ARHGAP42: variants seen among roughly 807,000 people sequenced by gnomAD.
The protein encoded by ARHGAP42 is rho GTPase-activating protein 42.
ARHGAP42 carries 63 observed loss-of-function variants against 125.0 expected under a neutral mutation model. The observed-to-expected ratio is 0.50, with a 90% CI of 0.41 to 0.62. The LOEUF is 0.62. ARHGAP42 is among the 20% of genes least tolerant of loss of function. ARHGAP42 has a pLI of 0.00. For synonymous variants in ARHGAP42, 339 were observed against 351.0 expected, an observed-to-expected ratio of 0.97 and a Z score of 0.38; for missense variants, 766 against 1,024.2, an observed-to-expected ratio of 0.75 and a Z score of 3.44.
At chr11:100,849,910 A>T (rs1476345654) in intron 3 of ARHGAP42, among the ~76,000 whole-genome samples, 1 of 152,178 alleles carries the variant, frequency 6.6e-6, no homozygotes, top group Non-Finnish European at 1.5e-5. Flanking sequence ...TAATATTATG[A>T]TGCTTACGTT....
At chr11:100,849,442 G>T (rs1281603756) in intron 3 of ARHGAP42, among the ~76,000 whole-genome samples, 1 of 152,142 alleles carries the variant, frequency 6.6e-6, no homozygotes, top group East Asian at 1.9e-4. Context: ...GTGCTCAAAC[G>T]CCTGGGAAAG....
At chr11:100,933,890 C>T (rs182020943) in intron 7 of ARHGAP42, among the ~76,000 whole-genome samples, 1 of 152,162 alleles carries the variant, frequency 6.6e-6, no homozygotes, top group East Asian at 1.9e-4. Flanking sequence ...TGGGTTCAAG[C>T]AATTCTCCTG....
rs114005632 is a variant in ARHGAP42 at position 100,887,623 on chromosome 11, C to T, written c.385-25829C>T. Among the ~76,000 whole-genome samples, 526 of 152,266 alleles carry T rather than the reference C, an allele frequency of 3.5e-3. 3 individuals are homozygous for T. Among genetic ancestry groups the T allele is most frequent in the African/African-American group, 0.011 (466 of 41,536 alleles). On this transcript the variant is annotated intron_variant, in intron 4 of 23. Transcript: ENST00000298815. ...GCTATCATGCAGTGTAACTGTGTGACGTTAAATGATGGACACAGAGATGTC... is the reference window on the plus strand; with the variant it reads ...GCTATCATGCAGTGTAACTGTGTGATGTTAAATGATGGACACAGAGATGTC...
At chr11:100,927,848 C>T (rs1033903326) in intron 6 of ARHGAP42, among the ~76,000 whole-genome samples, 1 of 152,168 alleles carries the variant, frequency 6.6e-6, no homozygotes, top group Non-Finnish European at 1.5e-5. Context: ...ACGTAATTGT[C>T]CATTCATTCA....
intron 1 of ARHGAP42, among the ~76,000 whole-genome samples, chr11:100,714,073 A>G (rs940867575): frequency 6.6e-6 from 1 of 152,196 alleles, no homozygotes; most frequent in Non-Finnish European, 1.5e-5. Context: ...GTAATATGGT[A>G]TCAGTATCCT....
chr11:100,816,157 A>C (rs939588111), intron 3 of ARHGAP42, among the ~76,000 whole-genome samples: 1 of 152,130 alleles, frequency 6.6e-6, no homozygotes, highest in African/African-American at 2.4e-5. Context: ...ATTCTTTTGG[A>C]TACAGTCCAG....
chr11:100,988,298 C>T (rs137903035), intron 23 of ARHGAP42, among the ~76,000 whole-genome samples: 11 of 150,138 alleles, frequency 7.3e-5, no homozygotes, highest in Non-Finnish European at 1.3e-4. Flanking sequence ...TTTGTTTGGA[C>T]GTTTGAGTTG....
At chr11:100,961,524 T>C (rs1401862390) in intron 14 of ARHGAP42, among the ~76,000 whole-genome samples, 160 bp from the exon 15 acceptor site, 1 of 152,202 alleles carries the variant, frequency 6.6e-6, no homozygotes. Flanking sequence ...GTCAGCTTTT[T>C]ATCAATTCAC....
rs373059302 is a variant in ARHGAP42 at position 100,837,666 on chromosome 11, CTTTTTTTTT to C, written c.313-21865_313-21857del. On this transcript the variant is annotated intron_variant, in intron 3 of 23. Coordinates refer to ENST00000298815, the MANE Select transcript of ARHGAP42 (RefSeq NM_152432.4). Reference sequence around the variant, plus strand: ...CAGTTCCCAGAATCTAGGTGTCATCCTTTTTTTTTTTTTTTTTTTTTTTTTTTTTTTAGT... The same window carrying C: ...CAGTTCCCAGAATCTAGGTGTCATCCTTTTTTTTTTTTTTTTTTTTTTAGT... Among the ~76,000 whole-genome samples, 132 of 61,050 alleles carry C rather than the reference CTTTTTTTTT, an allele frequency of 2.2e-3. 1 individual carries two copies. The highest frequency in any genetic ancestry group is 8.0e-3 in the African/African-American group (114 of 14,186). The allele number at this position is 61,050 out of a possible 152,430, so 40.1% of individuals were successfully genotyped here.
At chr11:100,856,714 C>A (rs1332111488) in intron 3 of ARHGAP42, among the ~76,000 whole-genome samples, 1 of 152,042 alleles carries the variant, frequency 6.6e-6, no homozygotes, top group East Asian at 1.9e-4. Context: ...CTTTGAATAA[C>A]TACATTTTAA....
At chr11:100,886,617 C>T (rs369640767) in intron 4 of ARHGAP42, among the ~76,000 whole-genome samples, 2 of 152,156 alleles carry the variant, frequency 1.3e-5, no homozygotes, top group Admixed American at 6.6e-5. Flanking sequence ...CTTAGCACAG[C>T]GATGCCCCAT....
intron 1 of ARHGAP42, among the ~76,000 whole-genome samples, chr11:100,748,348 T>C (rs1199351259): frequency 6.6e-6 from 1 of 152,230 alleles, no homozygotes; most frequent in Non-Finnish European, 1.5e-5. Flanking sequence ...ACTCTCTGAA[T>C]ACCCATTGTG....
intron 4 of ARHGAP42, among the ~76,000 whole-genome samples, chr11:100,868,054 A>G (rs1362595863): frequency 6.6e-6 from 1 of 152,222 alleles, no homozygotes; most frequent in African/African-American, 2.4e-5. Context: ...AGTGGTGTCA[A>G]AGATCACTGA....
intron 19 of ARHGAP42, among the ~76,000 whole-genome samples, chr11:100,975,727 C>G (rs1858371724): frequency 6.6e-6 from 1 of 152,140 alleles, no homozygotes; most frequent in Non-Finnish European, 1.5e-5. Context: ...ACTTCTGAAT[C>G]CTGTTTCATA....
intron 6 of ARHGAP42, among the ~76,000 whole-genome samples, chr11:100,927,421 T>G (rs1402130835): frequency 6.6e-6 from 1 of 152,206 alleles, no homozygotes; most frequent in African/African-American, 2.4e-5. Flanking sequence ...CATTCATTCT[T>G]TAAAAATTTA....
chr11:100,689,067 C>T (rs1401922907), intron 1 of ARHGAP42, among the ~76,000 whole-genome samples: 1 of 152,102 alleles, frequency 6.6e-6, no homozygotes, highest in Admixed American at 6.6e-5. Flanking sequence ...TTAATGTGCT[C>T]CAAAATATCT....
chr11:100,715,042 C>A (rs914849379), intron 1 of ARHGAP42, among the ~76,000 whole-genome samples: 1 of 115,890 alleles, frequency 8.6e-6, no homozygotes, highest in Non-Finnish European at 1.7e-5. Context: ...CAGTGAAACC[C>A]TATCTCAAAA....
chr11:100,749,507 C>T (rs2120352754), intron 1 of ARHGAP42, among the ~76,000 whole-genome samples: 1 of 151,890 alleles, frequency 6.6e-6, no homozygotes, highest in Non-Finnish European at 1.5e-5. Flanking sequence ...AGGCTCAACC[C>T]CTCAAACCAG....
At chr11:100,964,659 A>G (rs935276415) in intron 16 of ARHGAP42, among the ~76,000 whole-genome samples, 7 of 152,192 alleles carry the variant, frequency 4.6e-5, no homozygotes, top group Non-Finnish European at 7.3e-5. Flanking sequence ...TTGTTCTGAA[A>G]TGTTAGACAT....
Sources: gnomAD v4.1 joint callset for allele counts (sites outside exome capture counted in the v4.1 genomes callset) on GRCh38, gnomAD v4.1.1 for gene constraint, MANE v1.5 for transcripts, NCBI Gene and HGNC (gene_info 2026-07-23, HGNC 2026-07-21) for gene names.